Variants in RANGAP1 observed in about 807,000 individuals in gnomAD.
RANGAP1 encodes the protein Ran GTPase activating protein 1, also known as ran GTPase-activating protein 1.
RANGAP1 carries 38 observed loss-of-function variants against 63.5 expected under a neutral mutation model. That is an observed-to-expected ratio of 0.60 (90% confidence interval 0.46 to 0.78). The LOEUF (loss-of-function observed/expected upper bound fraction) is 0.78, where lower values mean the gene tolerates loss of function less well. Ranked by LOEUF, RANGAP1 falls within the 30% of genes least tolerant of loss-of-function variation. RANGAP1 has a pLI of 0.00. For synonymous variants in RANGAP1, 329 were observed against 310.5 expected (o/e 1.06, Z -0.63); for missense variants, 630 against 740.3 (o/e 0.85, Z 1.73).
chr22:41,256,574 C>A, intron 8 of RANGAP1, 137 bp downstream of exon 8: 1 of 740,958 alleles, frequency 1.3e-6, no homozygotes, highest in Non-Finnish European at 2.2e-6. Context: ...GAGGCTCACA[C>A]AGCATCACAG....
At chr22:41,284,806 G>A (rs2035673507) in intron 1 of RANGAP1, 1 of 152,110 alleles carries the variant, frequency 6.6e-6, no homozygotes, top group African/African-American at 2.4e-5. Context: ...CGTAGGTGGA[G>A]GCTACAGTGA....
rs773283607 is a variant in RANGAP1 at position 41,256,249 on chromosome 22, G to A, written c.930C>T (p.Ala310=). The change falls in exon 9 of 16, where the codon GCC becomes GCT. Residue 310 remains alanine, a synonymous_variant. Coordinates refer to ENST00000356244, the MANE Select transcript of RANGAP1 (RefSeq NM_002883.4). ...LSFCEIKRDA[A]LAVAEAMADK... ...CTGCCATGGCCTCAGCAACAGCCAGGGCAGCATCCCTCTTGATTTCACAGA... is the reference window on the plus strand; with the variant it reads ...CTGCCATGGCCTCAGCAACAGCCAGAGCAGCATCCCTCTTGATTTCACAGA... 34 of 1,613,986 alleles carry A rather than the reference G, an allele frequency of 2.1e-5. No individual in the cohort carries two copies. Among genetic ancestry groups the A allele is most frequent in the East Asian group, 1.8e-4 (8 of 44,888 alleles).
intron 1 of RANGAP1, among the ~76,000 whole-genome samples, chr22:41,284,484 T>C (rs562531227): frequency 6.6e-6 from 1 of 152,056 alleles, no homozygotes; most frequent in Non-Finnish European, 1.5e-5. Flanking sequence ...GGAGAATCGC[T>C]TGAATCTGGG....
rs915811510 is a variant in RANGAP1, at chr22:41,285,975, C to A, written c.-39+11G>T. 1.3e-5 allele frequency: 2 copies of A among 152,592 alleles called. No individual in the cohort carries two copies. Among genetic ancestry groups the A allele is most frequent in the African/African-American group, 4.8e-5 (2 of 41,442 alleles). 9.5% of individuals were successfully genotyped at this position (152,592 alleles called of 1,614,324 possible). A position where few individuals can be genotyped will look rare whatever the true frequency, so the allele number is the denominator to read the frequency against. ...CAGGTGACGGGGAAAGGAAAGGGAC[C>A]CTGACTCTACCGTAAACAGGCGGCG... On this transcript the variant is annotated intron_variant, in intron 1 of 15. Coordinates refer to ENST00000356244, the MANE Select transcript of RANGAP1 (RefSeq NM_002883.4).
rs776732909 is a variant in RANGAP1, at chr22:41,249,401, C to T, written c.1623G>A (p.Ala541=). ...AIANLYGPLM[A]LNHMVQQDYF... ...AGTCCTGCTGCACCATGTGGTTCAGCGCCATCAGGGGGCCGTACAGGTTGG... is the reference window on the plus strand; with the variant it reads ...AGTCCTGCTGCACCATGTGGTTCAGTGCCATCAGGGGGCCGTACAGGTTGG... The change falls in exon 15 of 16, where the codon GCG becomes GCA. Residue 541 remains alanine (A), a synonymous_variant. Transcript: ENST00000356244. 9 of 1,613,958 alleles carry T rather than the reference C, an allele frequency of 5.6e-6. No homozygotes were observed. The highest frequency in any genetic ancestry group is 2.2e-5 in the East Asian group (1 of 44,888).
intron 3 of RANGAP1, among the ~76,000 whole-genome samples, chr22:41,271,119 T>C (rs1166567687): frequency 3.9e-5 from 6 of 152,010 alleles, no homozygotes; most frequent in Non-Finnish European, 7.4e-5. Flanking sequence ...GTTGGGCACA[T>C]TGGCTCACGC....
chr22:41,285,399 T>C (rs769767605), intron 1 of RANGAP1: 3 of 682,850 alleles, frequency 4.4e-6, no homozygotes, highest in East Asian at 1.4e-4. Context: ...GAAACGTAAA[T>C]TGATTTGTCC....
chr22:41,266,888 C>CTTTTTTTTTTT (rs139523), intron 4 of RANGAP1, among the ~76,000 whole-genome samples: 3 of 137,170 alleles, frequency 2.2e-5, no homozygotes, highest in African/African-American at 2.7e-5. Flanking sequence ...AATGAATTTC[C>CTTTTTTTTTTT]TTTTTTTTTT....
chr22:41,294,306 G>A, the RANGAP1 span, among the ~76,000 whole-genome samples: 1 of 152,182 alleles, frequency 6.6e-6, no homozygotes, highest in African/African-American at 2.4e-5. Context: ...CACCAGCCTC[G>A]GCCTCCCGAG....
At chr22:41,272,013 T>C in intron 3 of RANGAP1, among the ~76,000 whole-genome samples, 1 of 152,154 alleles carries the variant, frequency 6.6e-6, no homozygotes, top group East Asian at 1.9e-4. Context: ...CCGGCCAGGC[T>C]CTCCCAGGAC....
At chr22:41,264,280 G>A (rs2034336102) in intron 5 of RANGAP1, among the ~76,000 whole-genome samples, 1 of 63,742 alleles carries the variant, frequency 1.6e-5, no homozygotes, top group Non-Finnish European at 3.1e-5. Flanking sequence ...AAGGTGAGCT[G>A]TGACGGTGCC....
In RANGAP1 at chr22:41,252,761, C is replaced by T; in HGVS notation, c.1380+111G>A. The T allele has an allele frequency of 2.4e-6, 3 of 1,268,748 alleles. No individual in the cohort carries two copies. In the South Asian group the frequency reaches 5.8e-5, roughly 25 times the overall value. The allele number at this position is 1,268,748 out of a possible 1,614,324, so 78.6% of individuals were successfully genotyped here. ...AACAGTGGCAGGCCAAGCCTCCCTG[C>T]CCCCAGCTGACAGCGTCGCACCCCC... On this transcript the variant is annotated intron_variant, in intron 12 of 15. Coordinates refer to ENST00000356244, the MANE Select transcript of RANGAP1 (RefSeq NM_002883.4).
At chr22:41,247,199 A>G (rs1406694208) in intron 15 of RANGAP1, among the ~76,000 whole-genome samples, 2 of 151,452 alleles carry the variant, frequency 1.3e-5, no homozygotes, top group East Asian at 3.9e-4. Context: ...GGGACTACAG[A>G]CGCCCACCAC....
At chr22:41,269,876 C>G (rs375067755) in intron 3 of RANGAP1, among the ~76,000 whole-genome samples, 5 of 152,110 alleles carry the variant, frequency 3.3e-5, no homozygotes, top group African/African-American at 1.2e-4. Flanking sequence ...CTGTCGCACC[C>G]AGGCTGGAGT....
rs754662485 is a variant in RANGAP1, at chr22:41,254,531, CCAG to C, written c.1074-40_1074-38del. ...GCTGGCTGAAGCAGATCCTCTCTAC[CCAG>C]CAGCCCAGGTTGGCTCTAAGGCCTG... On this transcript the variant is annotated intron_variant, in intron 10 of 15. Transcript: ENST00000356244. The C allele has an allele frequency of 5.8e-6, 9 of 1,545,884 alleles. No homozygotes were observed. In the African/African-American group the frequency reaches 1.2e-4, roughly 21 times the overall value.
At chr22:41,301,555 A>T in the RANGAP1 span, 34 of 152,184 alleles carry the variant, frequency 2.2e-4, no homozygotes, top group Non-Finnish European at 4.4e-5. Context: ...TGCTGCCGCG[A>T]GCGGCCAGCC....
chr22:41,249,560 G>A lies in RANGAP1; in HGVS notation c.1573-109C>T, dbSNP rs559424491. 446 of 1,559,296 alleles carry A rather than the reference G, an allele frequency of 2.9e-4. No individual in the cohort carries two copies. In the African/African-American group the frequency reaches 5.6e-3, roughly 19 times the overall value. The stretch of plus-strand genomic sequence containing the variant: ...TAGTGCCCACAACTGAGTCTAGCCG[G>A]AATCTCATCGTGAAGACCAAGGCTG... On this transcript the variant is annotated intron_variant, in intron 14 of 15. Coordinates refer to ENST00000356244, the MANE Select transcript of RANGAP1 (RefSeq NM_002883.4).
chr22:41,294,063 C>T, the RANGAP1 span, among the ~76,000 whole-genome samples: 1 of 152,158 alleles, frequency 6.6e-6, no homozygotes, highest in Non-Finnish European at 1.5e-5. Context: ...CCCACGGTCT[C>T]CCTCTCCCTC....
Position 41,281,075 on chromosome 22 carries a change from T to C in RANGAP1, c.-31A>G. On this transcript the variant is annotated 5_prime_UTR_variant, in exon 2 of 16. Transcript: ENST00000356244. ...CTAGGCTGGTGGGCTCCCCTGGAGA[T>C]CTGCAGACTGAGGAGGCCAAAGTTG... The C allele has an allele frequency of 6.4e-7, 1 of 1,551,902 alleles. No homozygotes were observed. The highest frequency in any genetic ancestry group is 1.4e-5 in the African/African-American group (1 of 73,006).
Sources: gnomAD v4.1 joint callset for allele counts (sites outside exome capture counted in the v4.1 genomes callset) on GRCh38, gnomAD v4.1.1 for gene constraint, MANE v1.5 for transcripts, NCBI Gene and HGNC (gene_info 2026-07-23, HGNC 2026-07-21) for gene names.